GNB5: variants seen among roughly 807,000 people sequenced by gnomAD.
The protein encoded by GNB5 is guanine nucleotide-binding protein subunit beta-5.
Under a neutral mutation model 55.3 loss-of-function variants are expected in GNB5, and 37 were observed. That is an observed-to-expected ratio of 0.67 (90% CI 0.51 to 0.88). The LOEUF (loss-of-function observed/expected upper bound fraction) is 0.88, where lower values mean the gene tolerates loss of function less well. Ranked by LOEUF, GNB5 falls within the 40% of genes least tolerant of loss-of-function variation. The pLI is 0.00. For missense variants in GNB5, 476 were observed against 515.3 expected (o/e 0.92, Z 0.74); for synonymous variants, 219 against 198.5 (o/e 1.10, Z -0.87).
At chr15:52,133,501 A>T in intron 8 of GNB5, 32 bp from the exon 9 acceptor site, 2 of 1,359,232 alleles carry the variant, frequency 1.5e-6, no homozygotes, top group South Asian at 1.2e-5. Flanking sequence ...AGTTATGGCC[A>T]CTTTAAGGAA....
chr15:52,122,508 T>C lies in GNB5; in HGVS notation c.*249A>G, dbSNP rs1417049553. ...AGAATAACCTTAAAAACAGATACAT[T>C]TTAAAAAGTGTTCCAAAAGAAAAAT... is the stretch of plus-strand genomic sequence containing the variant. On this transcript the variant is annotated 3_prime_UTR_variant, in exon 13 of 13. Transcript: ENST00000261837. 1.1e-5 allele frequency: 5 copies of C among 476,092 alleles called. No homozygotes were observed. In the East Asian group the frequency reaches 1.3e-4, roughly 12 times the overall value. 29.5% of individuals were successfully genotyped at this position (476,092 alleles called of 1,614,324 possible). A position where few individuals can be genotyped will look rare whatever the true frequency, so the allele number is the denominator to read the frequency against.
chr15:52,116,054 C>T lies in GNB5; in HGVS notation c.*6703G>A, dbSNP rs1235217691. 3.3e-5 allele frequency: 5 copies of T among 152,176 alleles called. No homozygotes were observed. Among genetic ancestry groups the T allele is most frequent in the South Asian group, 2.1e-4 (1 of 4,832 alleles). The allele number at this position is 152,176 out of a possible 1,614,324, so 9.4% of individuals were successfully genotyped here. A position where few individuals can be genotyped will look rare whatever the true frequency, so the allele number is the denominator to read the frequency against. ...TGTGGATGCGCCATATTTTGTTCAT[C>T]GATTCATCCACTGTGGAACATTGGG... On this transcript the variant is annotated 3_prime_UTR_variant, in exon 13 of 13. Coordinates refer to ENST00000261837, the MANE Select transcript of GNB5 (RefSeq NM_016194.4).
rs2034160365 is a variant in GNB5 at position 52,154,184 on chromosome 15, T to C, written c.239-108A>G. The C allele has an allele frequency of 2.1e-5, 20 of 963,416 alleles. No individual in the cohort carries two copies. In the South Asian group the frequency reaches 3.3e-4, roughly 16 times the overall value. The allele number at this position is 963,416 out of a possible 1,614,324, so 59.7% of individuals were successfully genotyped here. ...CGCAGAGGGAGGCGGCCCCATGGGC[T>C]TCCTCCATAACAAGCCACAGCTTGA... On this transcript the variant is annotated intron_variant, in intron 3 of 12. Coordinates refer to ENST00000261837, the MANE Select transcript of GNB5 (RefSeq NM_016194.4).
intron 2 of GNB5, chr15:52,180,602 G>T (rs1231490103): frequency 6.6e-6 from 1 of 152,222 alleles, no homozygotes; most frequent in East Asian, 1.9e-4. Flanking sequence ...TGGGTCAAGT[G>T]GGCGCGCAGG....
In GNB5 at chr15:52,189,709, C is replaced by T. The variant is rs568202915; in HGVS notation, c.-19+1613G>A. Among the ~76,000 whole-genome samples, 8 of 152,328 alleles carry T rather than the reference C, an allele frequency of 5.3e-5. No individual in the cohort carries two copies. In the East Asian group the frequency reaches 1.5e-3, roughly 29 times the overall value. ...GACAAATGAAAAACAAAATGTCTAT[C>T]CCTCCAGTAGACTGCTATTCAGCAA... On this transcript the variant is annotated intron_variant, in intron 1 of 12. Coordinates refer to ENST00000261837, the MANE Select transcript of GNB5 (RefSeq NM_016194.4).
intron 3 of GNB5, among the ~76,000 whole-genome samples, chr15:52,178,090 T>C (rs2034688111): frequency 6.6e-6 from 1 of 152,186 alleles, no homozygotes; most frequent in Non-Finnish European, 1.5e-5. Flanking sequence ...GCCTGCACTA[T>C]TGAATAAGTG....
At position 52,115,343 on chromosome 15, in the gene GNB5, C is replaced by G. The variant is rs966077491; in HGVS notation, c.*7414G>C. 6.6e-6 allele frequency: 1 copy of G among 152,170 alleles called. No homozygotes were observed. 9.4% of individuals were successfully genotyped at this position (152,170 alleles called of 1,614,324 possible). A position where few individuals can be genotyped will look rare whatever the true frequency, so the allele number is the denominator to read the frequency against. ...ATATGAGGCAGTTTGTAATAAGACT[C>G]GGTGAAAATCCTGTCTCTGCAACTT... On this transcript the variant is annotated 3_prime_UTR_variant, in exon 13 of 13. Transcript: ENST00000261837.
At chr15:52,136,401 C>T (rs986988319) in intron 7 of GNB5, among the ~76,000 whole-genome samples, 1 of 152,112 alleles carries the variant, frequency 6.6e-6, no homozygotes, top group African/African-American at 2.4e-5. Flanking sequence ...TCGATGCCTC[C>T]CACTGCTGTG....
intron 3 of GNB5, among the ~76,000 whole-genome samples, chr15:52,157,231 C>T (rs146684263): frequency 0.022 from 3,271 of 148,552 alleles, 118 homozygotes; most frequent in African/African-American, 0.078. Flanking sequence ...CCACGGCACC[C>T]GGCCTGATTC....
chr15:52,185,274 A>G (rs1258006990), intron 1 of GNB5, among the ~76,000 whole-genome samples: 19 of 152,262 alleles, frequency 1.2e-4, no homozygotes, highest in Admixed American at 1.1e-3. Context: ...ACAAGCATCT[A>G]GTGGTTACAG....
intron 4 of GNB5, among the ~76,000 whole-genome samples, chr15:52,151,534 G>A (rs962511850): frequency 1.3e-5 from 2 of 152,214 alleles, no homozygotes; most frequent in African/African-American, 4.8e-5. Flanking sequence ...GGCTGTTGAT[G>A]AGTCCAAGTC....
intron 7 of GNB5, among the ~76,000 whole-genome samples, chr15:52,138,188 G>C (rs921406151): frequency 1.8e-4 from 27 of 151,990 alleles, no homozygotes; most frequent in African/African-American, 6.5e-4. Context: ...TTCAAGACCA[G>C]CCTGGCCAAC....
chr15:52,172,728 T>C (rs1278991586), intron 3 of GNB5, among the ~76,000 whole-genome samples: 1 of 152,162 alleles, frequency 6.6e-6, no homozygotes, highest in Non-Finnish European at 1.5e-5. Context: ...ATCGGGCCAC[T>C]GTACTCCAGC....
intron 7 of GNB5, 26 bp from the exon 8 acceptor site, chr15:52,135,782 G>A: frequency 6.2e-7 from 1 of 1,609,634 alleles, no homozygotes; most frequent in Non-Finnish European, 8.5e-7. Context: ...GACAGGAAGT[G>A]GGTGGTTGTG....
intron 5 of GNB5, among the ~76,000 whole-genome samples, chr15:52,147,980 G>C (rs2034012837): frequency 6.6e-6 from 1 of 151,908 alleles, no homozygotes. Flanking sequence ...GGTAAAGATG[G>C]GCTCAAGACT....
intron 3 of GNB5, among the ~76,000 whole-genome samples, chr15:52,176,926 G>C (rs868176298): frequency 1.3e-5 from 2 of 151,766 alleles, no homozygotes; most frequent in Non-Finnish European, 2.9e-5. Context: ...GCTGGACTCT[G>C]CCCTGCATAC....
chr15:52,150,139 C>G (rs1227636265), intron 4 of GNB5, among the ~76,000 whole-genome samples: 1 of 152,184 alleles, frequency 6.6e-6, no homozygotes, highest in Non-Finnish European at 1.5e-5. Flanking sequence ...GATCAGTTCT[C>G]AACCTTACAT....
chr15:52,169,320 T>C (rs2034509774), intron 3 of GNB5, among the ~76,000 whole-genome samples: 1 of 148,776 alleles, frequency 6.7e-6, no homozygotes, highest in African/African-American at 2.5e-5. Flanking sequence ...GCAGATCACC[T>C]GAAGTCAGGA....
At position 52,130,794 on chromosome 15, in the gene GNB5, G is replaced by A. The variant is rs186604222; in HGVS notation, c.864-2550C>T. 6.6e-5 allele frequency among the ~76,000 whole-genome samples: 10 copies of A among 152,300 alleles called. No homozygotes were observed. In the East Asian group the frequency reaches 1.9e-3, roughly 29 times the overall value. ...GAGGTTAGAAGCAAAGGGTTCAGGG[G>A]AGATGAAACAGCTCAGGTGAGAGAG... On this transcript the variant is annotated intron_variant, in intron 9 of 12. Transcript: ENST00000261837.
Sources: gnomAD v4.1 joint callset for allele counts (sites outside exome capture counted in the v4.1 genomes callset) on GRCh38, gnomAD v4.1.1 for gene constraint, MANE v1.5 for transcripts, NCBI Gene and HGNC (gene_info 2026-07-23, HGNC 2026-07-21) for gene names.